Variants in CREB5 observed in about 807,000 individuals in gnomAD.
The protein encoded by CREB5 is cyclic AMP-responsive element-binding protein 5.
In CREB5, 19 loss-of-function variants were observed where a neutral mutation model predicts 57.1. The observed-to-expected ratio is 0.33, with a 90% CI of 0.23 to 0.49. The LOEUF is 0.49. Among genes scored for constraint, CREB5 ranks in the 20% least tolerant of loss-of-function variants. The pLI is 0.99. For synonymous variants in CREB5, 238 were observed against 238.3 expected, an observed-to-expected ratio of 1.00 and a Z score of 0.01; for missense variants, 579 against 671.6, an observed-to-expected ratio of 0.86 and a Z score of 1.52.
At chr7:28,726,225 T>C (rs1002664695) in intron 7 of CREB5, among the ~76,000 whole-genome samples, 2 of 152,170 alleles carry the variant, frequency 1.3e-5, no homozygotes, top group Non-Finnish European at 1.5e-5. Flanking sequence ...TAATGAACTC[T>C]ATCATAGGGT....
chr7:28,343,663 C>A (rs531229303), intron 1 of CREB5, among the ~76,000 whole-genome samples: 4 of 152,096 alleles, frequency 2.6e-5, no homozygotes, highest in African/African-American at 4.8e-5. Context: ...TTGGCTATTG[C>A]GCAATAAACA....
At chr7:28,593,874 G>A (rs115042920) in intron 5 of CREB5, among the ~76,000 whole-genome samples, 149 of 152,344 alleles carry the variant, frequency 9.8e-4, no homozygotes, top group African/African-American at 3.4e-3. Flanking sequence ...AGCCTGCCAA[G>A]TGGGAAAGAG....
intron 5 of CREB5, among the ~76,000 whole-genome samples, chr7:28,673,739 C>G (rs1350321867): frequency 7.6e-6 from 1 of 131,070 alleles, no homozygotes; most frequent in African/African-American, 2.9e-5. Flanking sequence ...GTGGCGTGAT[C>G]TCAGCTCACT....
chr7:28,342,356 G>A (rs990338906), intron 1 of CREB5, among the ~76,000 whole-genome samples: 1 of 151,980 alleles, frequency 6.6e-6, no homozygotes, highest in Non-Finnish European at 1.5e-5. Context: ...AGCTGAGAGT[G>A]GCTAAGAAAA....
At chr7:28,565,325 G>A (rs141340451) in intron 4 of CREB5, among the ~76,000 whole-genome samples, 3 of 152,248 alleles carry the variant, frequency 2.0e-5, no homozygotes, top group African/African-American at 7.2e-5. Context: ...TATGTTACAG[G>A]CAGCTTGTTG....
intron 7 of CREB5, among the ~76,000 whole-genome samples, chr7:28,801,998 T>C (rs1808396854): frequency 7.1e-6 from 1 of 140,472 alleles, no homozygotes; most frequent in South Asian, 2.2e-4. Context: ...GGCAGGAGAA[T>C]CGCTTGAACC....
chr7:28,398,863 T>A (rs1364301848), intron 1 of CREB5, among the ~76,000 whole-genome samples: 1 of 151,952 alleles, frequency 6.6e-6, no homozygotes, highest in Non-Finnish European at 1.5e-5. Context: ...AGGCATGCAC[T>A]ACCACACCTG....
At chr7:28,598,918 T>C (rs1186372801) in intron 5 of CREB5, among the ~76,000 whole-genome samples, 2 of 152,200 alleles carry the variant, frequency 1.3e-5, no homozygotes, top group Non-Finnish European at 2.9e-5. Context: ...GCTTTTTCTT[T>C]GCTGTCTTAA....
chr7:28,300,054 ATTT>A (rs1785073061), intron 1 of CREB5, among the ~76,000 whole-genome samples: 2 of 110 alleles, frequency 0.018, no homozygotes, highest in Non-Finnish European at 0.038. Flanking sequence ...TTTTAGCTTT[ATTT>A]ATTTATTTAT....
intron 1 of CREB5, among the ~76,000 whole-genome samples, chr7:28,405,971 A>T (rs1241267940): frequency 6.6e-6 from 1 of 152,176 alleles, no homozygotes; most frequent in Non-Finnish European, 1.5e-5. Context: ...TGACTCAAGA[A>T]ACTGACTTTA....
intron 4 of CREB5, among the ~76,000 whole-genome samples, chr7:28,560,881 T>TGCGTGCGCGTGCGTGTGC (rs1554344373): frequency 2.2e-5 from 1 of 46,242 alleles, no homozygotes; most frequent in African/African-American, 1.1e-4. Context: ...TGCGCGTGCG[T>TGCGTGCGCGTGCGTGTGC]GCGTGCGTGT....
intron 4 of CREB5, among the ~76,000 whole-genome samples, chr7:28,551,219 T>A (rs1022701176): frequency 6.6e-6 from 1 of 152,054 alleles, no homozygotes; most frequent in Non-Finnish European, 1.5e-5. Flanking sequence ...TACATTGGAT[T>A]AAACCCTATA....
chr7:28,699,681 A>G (rs1192635660), intron 5 of CREB5, among the ~76,000 whole-genome samples: 2 of 152,192 alleles, frequency 1.3e-5, no homozygotes, highest in African/African-American at 4.8e-5. Flanking sequence ...AAGTTATATC[A>G]ACTTTCTGTC....
rs563388724 is a variant in CREB5, at chr7:28,703,758, T to C, written c.465-14995T>C. ...ATGGATTAGATGAAGCCCACCCACA[T>C]TGGGGAAGGTATACTGCATTACTCA... On this transcript the variant is annotated intron_variant, in intron 5 of 10. Transcript: ENST00000357727. Among the ~76,000 whole-genome samples, 3 of 152,278 alleles carry C rather than the reference T, an allele frequency of 2.0e-5. 1 individual carries two copies. Among genetic ancestry groups the C allele is most frequent in the Admixed American group, 1.3e-4 (2 of 15,286 alleles).
At chr7:28,533,377 A>G (rs1383033385) in intron 4 of CREB5, among the ~76,000 whole-genome samples, 1 of 152,140 alleles carries the variant, frequency 6.6e-6, no homozygotes, top group East Asian at 1.9e-4. Flanking sequence ...GGATGGCGAG[A>G]CCGCATAACT....
chr7:28,392,476 A>C (rs1030225314), intron 1 of CREB5, among the ~76,000 whole-genome samples: 6 of 151,424 alleles, frequency 4.0e-5, no homozygotes, highest in Non-Finnish European at 8.8e-5. Context: ...CAATGGCAAA[A>C]ACCGCAATTA....
intron 1 of CREB5, among the ~76,000 whole-genome samples, chr7:28,327,714 T>G (rs1785634732): frequency 6.6e-6 from 1 of 152,202 alleles, no homozygotes; most frequent in Non-Finnish European, 1.5e-5. Context: ...GGCAAAAACA[T>G]TCTTCTTCCT....
At chr7:28,348,385 CTCTCTCTCTCTG>C (rs370696226) in intron 1 of CREB5, among the ~76,000 whole-genome samples, 13 of 123,304 alleles carry the variant, frequency 1.1e-4, no homozygotes, top group African/African-American at 3.3e-4. Context: ...CTCTCTCTGT[CTCTCTCTCTCTG>C]TCTCTCTCTC....
At chr7:28,699,935 C>T (rs550934236) in intron 5 of CREB5, among the ~76,000 whole-genome samples, 56 of 152,228 alleles carry the variant, frequency 3.7e-4, no homozygotes, top group Middle Eastern at 6.8e-3. Context: ...TAATTTGTAA[C>T]TCAGCCATCT....
Sources: gnomAD v4.1 joint callset for allele counts (sites outside exome capture counted in the v4.1 genomes callset) on GRCh38, gnomAD v4.1.1 for gene constraint, MANE v1.5 for transcripts, NCBI Gene and HGNC (gene_info 2026-07-23, HGNC 2026-07-21) for gene names.